The following ZDHHC15 variants were observed in gnomAD, a reference collection of about 807,000 sequenced individuals.
The protein encoded by ZDHHC15 is palmitoyltransferase ZDHHC15.
ZDHHC15 carries 19 observed loss-of-function variants against 31.7 expected under a neutral mutation model. That is an observed-to-expected ratio of 0.60 (90% CI 0.42 to 0.88). The LOEUF (loss-of-function observed/expected upper bound fraction) is 0.88. ZDHHC15 is among the 40% of genes least tolerant of loss of function. The pLI, the probability that ZDHHC15 is intolerant of heterozygous loss-of-function variation, is 0.00. For missense variants in ZDHHC15, 209 were observed against 251.2 expected, an observed-to-expected ratio of 0.83 and a Z score of 1.14; for synonymous variants, 103 against 90.0, an observed-to-expected ratio of 1.14 and a Z score of -0.82.
chrX:75,474,739 T>C (rs1433393060), intron 3 of ZDHHC15, among the ~76,000 whole-genome samples: 1 of 109,552 alleles, frequency 9.1e-6, no homozygotes. Flanking sequence ...GAAACTAAAA[T>C]AAAAATTGAA....
At chrX:75,388,557 A>T (rs1398413862) in intron 10 of ZDHHC15, among the ~76,000 whole-genome samples, 1 of 111,866 alleles carries the variant, frequency 8.9e-6, no homozygotes, top group East Asian at 2.8e-4. Flanking sequence ...GGTAAGCCTC[A>T]TGATAGCCAG....
chrX:75,394,958 A>G (rs1418187005), intron 10 of ZDHHC15, among the ~76,000 whole-genome samples: 1 of 112,454 alleles, frequency 8.9e-6, no homozygotes, highest in African/African-American at 3.2e-5. Context: ...AGAACAGACC[A>G]TATGTTAGAT....
At chrX:75,473,494 C>T (rs1271395962) in intron 3 of ZDHHC15, among the ~76,000 whole-genome samples, 1 of 110,820 alleles carries the variant, frequency 9.0e-6, no homozygotes, top group African/African-American at 3.3e-5. Flanking sequence ...CACCAGGAGA[C>T]ACAACGATTC....
chrX:75,379,290 T>C, intron 10 of ZDHHC15, 92 bp from the exon 11 acceptor site: 1 of 958,354 alleles, frequency 1.0e-6, no homozygotes, highest in Non-Finnish European at 1.5e-6. Context: ...TTGTTCAATC[T>C]CTGCAGGCAA....
At chrX:75,458,741 T>G (rs1187094827) in intron 3 of ZDHHC15, among the ~76,000 whole-genome samples, 1 of 109,438 alleles carries the variant, frequency 9.1e-6, no homozygotes, top group South Asian at 4.1e-4. Flanking sequence ...GATTCTCCAA[T>G]GAACTGAACA....
intron 4 of ZDHHC15, among the ~76,000 whole-genome samples, chrX:75,439,615 G>T (rs1179888753): frequency 9.0e-6 from 1 of 111,008 alleles, no homozygotes; most frequent in African/African-American, 3.3e-5. Flanking sequence ...ATCTTTCTCT[G>T]ATCCCTCCTT....
At chrX:75,509,261 C>T (rs1193448833) in intron 1 of ZDHHC15, among the ~76,000 whole-genome samples, 1 of 111,506 alleles carries the variant, frequency 9.0e-6, no homozygotes, top group Non-Finnish European at 1.9e-5. Flanking sequence ...AAATTTTTGC[C>T]ATATACTCAT....
At chrX:75,509,011 A>G (rs2085216466) in intron 1 of ZDHHC15, among the ~76,000 whole-genome samples, 1 of 110,738 alleles carries the variant, frequency 9.0e-6, no homozygotes, top group African/African-American at 3.3e-5. Context: ...TTTTTCTTGT[A>G]AATTTGTTTG....
chrX:75,484,321 AAG>A (rs2084742604), intron 2 of ZDHHC15, among the ~76,000 whole-genome samples: 1 of 112,162 alleles, frequency 8.9e-6, no homozygotes, highest in Non-Finnish European at 1.9e-5. Context: ...TTTAAAAACA[AAG>A]AGACTTATAC....
At chrX:75,391,424 T>C (rs994785585) in intron 10 of ZDHHC15, among the ~76,000 whole-genome samples, 1 of 111,275 alleles carries the variant, frequency 9.0e-6, no homozygotes, top group African/African-American at 3.3e-5. Context: ...AGACATTTGA[T>C]AATAAAACTT....
At chrX:75,513,197 C>T (rs756984113) in intron 1 of ZDHHC15, among the ~76,000 whole-genome samples, 1 of 111,583 alleles carries the variant, frequency 9.0e-6, no homozygotes, top group East Asian at 2.8e-4. Flanking sequence ...AGAAGAAAAC[C>T]TAGGCATTAC....
chrX:75,487,068 A>G (rs2084789749), intron 2 of ZDHHC15, among the ~76,000 whole-genome samples: 1 of 111,658 alleles, frequency 9.0e-6, no homozygotes, highest in Non-Finnish European at 1.9e-5. Context: ...GCTGGAGGCC[A>G]GCCAACTCAA....
intron 4 of ZDHHC15, among the ~76,000 whole-genome samples, chrX:75,442,366 C>T (rs187250322): frequency 2.4e-4 from 27 of 111,674 alleles, no homozygotes; most frequent in African/African-American, 7.5e-4. Flanking sequence ...TCAAATTGTC[C>T]GTGTTTGCAG....
chrX:75,400,473 G>A (rs902208722), intron 10 of ZDHHC15, among the ~76,000 whole-genome samples: 8 of 111,799 alleles, frequency 7.2e-5, no homozygotes, highest in Non-Finnish European at 1.3e-4. Context: ...CAAGAAGTAT[G>A]AGATTATGTA....
At chrX:75,451,562 G>T (rs2084118588) in intron 3 of ZDHHC15, among the ~76,000 whole-genome samples, 1 of 111,339 alleles carries the variant, frequency 9.0e-6, no homozygotes, top group Non-Finnish European at 1.9e-5. Flanking sequence ...GAACCTGAAA[G>T]CATTTATTCT....
chrX:75,396,806 TA>T (rs1400770528), intron 10 of ZDHHC15, among the ~76,000 whole-genome samples: 2 of 111,101 alleles, frequency 1.8e-5, no homozygotes, highest in East Asian at 2.8e-4. Context: ...TATTGAGCCA[TA>T]AAAAAATAAT....
chrX:75,491,137 A>C (rs1201314977), intron 2 of ZDHHC15, among the ~76,000 whole-genome samples: 13 of 111,355 alleles, frequency 1.2e-4, no homozygotes, highest in African/African-American at 4.2e-4. Flanking sequence ...TATATACCCA[A>C]AGGATTATAA....
In ZDHHC15 at chrX:75,488,869, C is replaced by T. The variant is rs143750199; in HGVS notation, c.164-9884G>A. On this transcript the variant is annotated intron_variant, in intron 2 of 11. Coordinates refer to ENST00000373367, the MANE Select transcript of ZDHHC15 (RefSeq NM_144969.3). ...AGCCAAAGAAAGGGGTGACTGATGA[C>T]GGCACCTGGAAAATCGGGTCACTCC... Among the ~76,000 whole-genome samples the T allele has an allele frequency of 8.0e-3, 892 of 112,060 alleles. 10 individuals are homozygous for T. Among genetic ancestry groups the T allele is most frequent in the Non-Finnish European group, 0.011 (585 of 53,174 alleles).
chrX:75,417,783 G>T (rs1041209459), intron 9 of ZDHHC15, among the ~76,000 whole-genome samples: 19 of 111,609 alleles, frequency 1.7e-4, no homozygotes, highest in African/African-American at 5.9e-4. Context: ...AACTCCTTGG[G>T]TAATTTCTGG....
Sources: allele counts gnomAD v4.1 joint callset (sites outside exome capture counted in the v4.1 genomes callset), GRCh38; gene constraint gnomAD v4.1.1; transcripts MANE v1.5; gene names NCBI Gene and HGNC (gene_info 2026-07-23, HGNC 2026-07-21).